Variants in PTPRD observed in about 807,000 individuals in gnomAD.
PTPRD encodes protein tyrosine phosphatase receptor type D, also known as receptor-type tyrosine-protein phosphatase delta.
PTPRD carries 34 observed loss-of-function variants against 214.5 expected under a neutral mutation model. The ratio of observed to expected loss-of-function variants is 0.16; its 90% CI spans 0.12 to 0.21. PTPRD has a LOEUF of 0.21. Ranked by LOEUF, PTPRD falls within the 10% of genes least tolerant of loss-of-function variation. PTPRD has a pLI of 1.00. For synonymous variants in PTPRD, 1,128 were observed against 845.7 expected (o/e 1.33, Z -5.79); for missense variants, 2,545 against 2,398.7 (o/e 1.06, Z -1.27).
intron 11 of PTPRD, among the ~76,000 whole-genome samples, chr9:8,750,899 A>C (rs1220880380): frequency 2.0e-5 from 3 of 151,830 alleles, no homozygotes; most frequent in Admixed American, 2.0e-4. Flanking sequence ...TGACTTCTCC[A>C]GTGGCTGTGT....
chr9:8,649,811 T>C (rs1410710788), intron 12 of PTPRD, among the ~76,000 whole-genome samples: 1 of 152,248 alleles, frequency 6.6e-6, no homozygotes, highest in East Asian at 1.9e-4. Flanking sequence ...TATTATGACT[T>C]TTAAAATATT....
chr9:9,524,775 T>C (rs2073634642), intron 8 of PTPRD, among the ~76,000 whole-genome samples: 1 of 152,220 alleles, frequency 6.6e-6, no homozygotes, highest in South Asian at 2.1e-4. Flanking sequence ...ATGCAGGCTG[T>C]GCATAGAACT....
At chr9:9,413,098 T>A (rs1174939691) in intron 8 of PTPRD, among the ~76,000 whole-genome samples, 1 of 101,418 alleles carries the variant, frequency 9.9e-6, no homozygotes, top group African/African-American at 4.0e-5. Context: ...ATCTTGCAGC[T>A]TCTTTTTTTT....
intron 9 of PTPRD, among the ~76,000 whole-genome samples, chr9:9,394,295 A>C (rs1463343593): frequency 6.6e-6 from 1 of 152,166 alleles, no homozygotes; most frequent in African/African-American, 2.4e-5. Context: ...AAGAGCTTGC[A>C]TCTCTCACTA....
intron 7 of PTPRD, among the ~76,000 whole-genome samples, chr9:9,695,192 G>A (rs1276077291): frequency 1.3e-5 from 2 of 152,204 alleles, no homozygotes. Context: ...TGCCAGGACT[G>A]GGTCCTTCCC....
intron 44 of PTPRD, among the ~76,000 whole-genome samples, chr9:8,326,731 C>G (rs1834188972): frequency 6.6e-6 from 1 of 151,578 alleles, no homozygotes; most frequent in Admixed American, 6.6e-5. Context: ...GCCTCAATTT[C>G]AGAACTTGTT....
intron 3 of PTPRD, among the ~76,000 whole-genome samples, chr9:10,238,250 G>A (rs1490021230): frequency 6.6e-6 from 1 of 151,554 alleles, no homozygotes; most frequent in Non-Finnish European, 1.5e-5. Flanking sequence ...TCCAAGTCTG[G>A]CTGCTGAAAC....
At chr9:9,114,656 A>G (rs372657543) in intron 10 of PTPRD, among the ~76,000 whole-genome samples, 2 of 152,198 alleles carry the variant, frequency 1.3e-5, no homozygotes, top group East Asian at 3.9e-4. Flanking sequence ...TTCCCCCGAC[A>G]AAGATTTCAA....
intron 3 of PTPRD, among the ~76,000 whole-genome samples, chr9:10,297,984 C>T (rs2095735422): frequency 6.6e-6 from 1 of 152,036 alleles, no homozygotes; most frequent in Non-Finnish European, 1.5e-5. Flanking sequence ...GGCATTTCTA[C>T]CTGTAATGAT....
chr9:8,838,273 T>C (rs1303890665), intron 11 of PTPRD, among the ~76,000 whole-genome samples: 1 of 150,194 alleles, frequency 6.7e-6, no homozygotes. Context: ...CTGCAAATAC[T>C]TGGGGGAAGG....
At chr9:10,512,345 C>T (rs925199411) in intron 2 of PTPRD, among the ~76,000 whole-genome samples, 31 of 151,672 alleles carry the variant, frequency 2.0e-4, no homozygotes, top group African/African-American at 6.3e-4. Context: ...AAATGAATGA[C>T]GCAATAATCA....
chr9:9,838,983 A>T (rs1054231184), intron 5 of PTPRD, among the ~76,000 whole-genome samples: 1 of 152,206 alleles, frequency 6.6e-6, no homozygotes, highest in East Asian at 1.9e-4. Flanking sequence ...CTTTCTACAT[A>T]TGGCTAGCCA....
chr9:8,995,969 C>T (rs1327163875), intron 11 of PTPRD, among the ~76,000 whole-genome samples: 1 of 151,980 alleles, frequency 6.6e-6, no homozygotes, highest in African/African-American at 2.4e-5. Context: ...TTACAGTTGT[C>T]ATAATGGAAT....
intron 7 of PTPRD, among the ~76,000 whole-genome samples, chr9:9,707,111 C>T (rs747821933): frequency 6.6e-6 from 1 of 152,084 alleles, no homozygotes; most frequent in East Asian, 1.9e-4. Context: ...GGCATATGTA[C>T]GTCTGACTGA....
intron 3 of PTPRD, among the ~76,000 whole-genome samples, chr9:10,051,677 A>G (rs937357063): frequency 4.0e-5 from 6 of 148,962 alleles, no homozygotes; most frequent in Non-Finnish European, 8.9e-5. Flanking sequence ...TTCAATTCCC[A>G]CCTGTGAGTG....
intron 10 of PTPRD, among the ~76,000 whole-genome samples, chr9:9,152,241 G>A (rs115678751): frequency 0.034 from 5,118 of 152,108 alleles, 298 homozygotes; most frequent in African/African-American, 0.12. Flanking sequence ...TTTTTCATAG[G>A]CATCTGATTT....
chr9:10,241,769 A>G (rs959137100), intron 3 of PTPRD, among the ~76,000 whole-genome samples: 4 of 151,962 alleles, frequency 2.6e-5, no homozygotes, highest in Non-Finnish European at 4.4e-5. Context: ...TCATGTGGGT[A>G]TAATTTCATA....
intron 3 of PTPRD, among the ~76,000 whole-genome samples, chr9:10,061,944 C>G (rs934630633): frequency 6.6e-6 from 1 of 151,934 alleles, no homozygotes; most frequent in Non-Finnish European, 1.5e-5. Flanking sequence ...AATACTGAAT[C>G]GGAAACTCTG....
chr9:9,349,735 A>G (rs1048582947), intron 9 of PTPRD, among the ~76,000 whole-genome samples: 1 of 151,444 alleles, frequency 6.6e-6, no homozygotes, highest in African/African-American at 2.4e-5. Context: ...TGTTTATACC[A>G]CTTAAGTGGC....
Sources: allele counts gnomAD v4.1 joint callset (sites outside exome capture counted in the v4.1 genomes callset), GRCh38; gene constraint gnomAD v4.1.1; transcripts MANE v1.5; gene names NCBI Gene and HGNC (gene_info 2026-07-23, HGNC 2026-07-21).